The following PSG11 variants were observed in gnomAD, a reference collection of about 807,000 sequenced individuals.
PSG11 encodes the protein pregnancy specific beta-1-glycoprotein 11.
In PSG11, 42 loss-of-function variants were observed where a neutral mutation model predicts 36.0. That is an observed-to-expected ratio of 1.17 (90% CI 0.91 to 1.51). The LOEUF is 1.51. Among genes scored for constraint, PSG11 ranks in the 40% most tolerant of loss-of-function variants. PSG11 has a pLI of 0.00. For missense variants in PSG11, 558 were observed against 403.5 expected (o/e 1.38, Z -3.28); for synonymous variants, 206 against 153.5 (o/e 1.34, Z -2.53).
At chr19:43,024,472 C>A in intron 2 of PSG11, 1 of 663,858 alleles carries the variant, frequency 1.5e-6, no homozygotes, top group Non-Finnish European at 2.6e-6. Flanking sequence ...ACTGTCCTTC[C>A]TCTGCAGCGA....
rs1967260486 is a variant in PSG11, at chr19:43,026,460, T to G, written c.-88A>C. On this transcript the variant is annotated 5_prime_UTR_variant, in exon 1 of 6. Transcript: ENST00000320078. ...GCACGGCTGTCAGCTGTGCTGTCCT[T>G]CCTCCTTCTGCGCTGAGACTCTTCC... is the stretch of plus-strand genomic sequence containing the variant. The G allele has an allele frequency of 6.6e-7, 1 of 1,523,388 alleles. No individual in the cohort carries two copies. The highest frequency in any genetic ancestry group is 1.6e-5 in the African/African-American group (1 of 63,540). 94.4% of individuals were successfully genotyped at this position (1,523,388 alleles called of 1,614,324 possible). A position where few individuals can be genotyped will look rare whatever the true frequency, so the allele number is the denominator to read the frequency against.
At chr19:43,022,439 C>T (rs975611002) in intron 2 of PSG11, among the ~76,000 whole-genome samples, 5 of 151,268 alleles carry the variant, frequency 3.3e-5, no homozygotes, top group Non-Finnish European at 7.4e-5. Flanking sequence ...ATCAGCAGTA[C>T]TCATTTTTTA....
At chr19:43,026,287 T>C (rs1213700260) in intron 1 of PSG11, 22 bp downstream of exon 1, 1 of 1,609,480 alleles carries the variant, frequency 6.2e-7, no homozygotes, top group Non-Finnish European at 8.5e-7. Context: ...TCCTGTCCTC[T>C]CCCAGGAAGT....
At position 43,023,051 on chromosome 19, in the gene PSG11, G is replaced by A. The variant is rs59384746; in HGVS notation, c.430+1640C>T. 9.6e-3 allele frequency among the ~76,000 whole-genome samples: 1,456 copies of A among 151,000 alleles called. 65 individuals are homozygous for A. Among genetic ancestry groups the A allele is most frequent in the African/African-American group, 0.034 (1,410 of 40,906 alleles). ...GGCAGTGAGCAGTGAGGGAGACACT[G>A]ACTTCAGAGCCCCCAGGAACCAGCT... On this transcript the variant is annotated intron_variant, in intron 2 of 5. Coordinates refer to ENST00000320078, the MANE Select transcript of PSG11 (RefSeq NM_002785.3).
chr19:43,013,292 T>C (rs2060737709), intron 4 of PSG11, among the ~76,000 whole-genome samples: 1 of 151,232 alleles, frequency 6.6e-6, no homozygotes, highest in South Asian at 2.1e-4. Context: ...CTTTTATATA[T>C]CAAAGAACAT....
At chr19:43,012,941 A>T (rs1370793805) in intron 4 of PSG11, among the ~76,000 whole-genome samples, 1 of 151,476 alleles carries the variant, frequency 6.6e-6, no homozygotes, top group Non-Finnish European at 1.5e-5. Context: ...GGACATAGAA[A>T]TTAATGAAAT....
chr19:43,025,214 A>C, intron 1 of PSG11, 158 bp from the exon 2 acceptor site: 2 of 1,304,136 alleles, frequency 1.5e-6, no homozygotes, highest in South Asian at 1.5e-5. Flanking sequence ...GAAAAGGGGC[A>C]TGTGTGTTTG....
At chr19:43,014,838 T>C (rs1284282175) in intron 4 of PSG11, 1 of 1,318,790 alleles carries the variant, frequency 7.6e-7, no homozygotes, top group South Asian at 1.8e-5. Flanking sequence ...CTCCTTCTTG[T>C]CCCTCTGTGA....
rs372323550 is a variant in PSG11, at chr19:43,015,138, T to C, written c.942A>G (p.Thr314=). 1.7e-5 allele frequency: 28 copies of C among 1,611,880 alleles called. No homozygotes were observed. Among genetic ancestry groups the C allele is most frequent in the Non-Finnish European group, 2.4e-5 (28 of 1,178,964 alleles). The change falls in exon 4 of 6, where the codon ACA becomes ACG. Residue 314 remains threonine, a synonymous_variant. Coordinates refer to ENST00000320078, the MANE Select transcript of PSG11 (RefSeq NM_002785.3). ...TACCAATGACTCTGATTGTCAAGGA[T>C]GTGGAGCTTTCCTCGCCAGTGGCTG... ...RNSATGEESS[T]SLTIRVIAPP...
intron 2 of PSG11, among the ~76,000 whole-genome samples, chr19:43,022,388 A>G (rs1370085794): frequency 6.6e-6 from 1 of 151,104 alleles, no homozygotes; most frequent in African/African-American, 2.4e-5. Flanking sequence ...TCAAGCACAA[A>G]CAGATCATTT....
In PSG11 at chr19:43,026,394, C is replaced by T; in HGVS notation, c.-22G>A. 1 of 1,607,380 alleles carries T rather than the reference C, an allele frequency of 6.2e-7. No homozygotes were observed. ...CCATGATCTCTGCTGCGTGCATGTT[C>T]TCCTCTGTGGAGATGAGCCTAGGAT... On this transcript the variant is annotated 5_prime_UTR_variant, in exon 1 of 6. Transcript: ENST00000320078.
chr19:43,012,682 GAC>G (rs1568486147), intron 4 of PSG11, among the ~76,000 whole-genome samples: 1 of 151,484 alleles, frequency 6.6e-6, no homozygotes, highest in Non-Finnish European at 1.5e-5. Flanking sequence ...TGAATTGGAA[GAC>G]TCAATATTGT....
rs569719081 is a variant in PSG11 at position 43,022,815 on chromosome 19, AG to A, written c.430+1875del. On this transcript the variant is annotated intron_variant, in intron 2 of 5. Coordinates refer to ENST00000320078, the MANE Select transcript of PSG11 (RefSeq NM_002785.3). ...GAAGCCTGGCAGGAGTGGCAACTCC[AG>A]GTGATTTCTGCACCTTTCCTATTTC... Among the ~76,000 whole-genome samples the A allele has an allele frequency of 6.0e-5, 9 of 150,880 alleles. 1 individual carries two copies. Among genetic ancestry groups the A allele is most frequent in the Non-Finnish European group, 1.3e-4 (9 of 67,804 alleles).
chr19:43,011,985 G>T (rs1295873759), intron 4 of PSG11, among the ~76,000 whole-genome samples: 2 of 150,276 alleles, frequency 1.3e-5, no homozygotes, highest in Admixed American at 6.7e-5. Context: ...ATAAATAATT[G>T]TATGCCAATA....
chr19:43,023,497 CA>C (rs960378146), intron 2 of PSG11, among the ~76,000 whole-genome samples: 2 of 151,090 alleles, frequency 1.3e-5, no homozygotes, highest in Non-Finnish European at 2.9e-5. Flanking sequence ...GAGGCCTGGA[CA>C]TTTTTTTTGC....
At chr19:43,020,037 T>C (rs1283420302) in intron 2 of PSG11, among the ~76,000 whole-genome samples, 2 of 151,316 alleles carry the variant, frequency 1.3e-5, no homozygotes, top group East Asian at 1.9e-4. Flanking sequence ...ATGTACCTGA[T>C]ATCAGTGGAT....
At chr19:43,023,411 C>A (rs149915844) in intron 2 of PSG11, among the ~76,000 whole-genome samples, 1 of 150,728 alleles carries the variant, frequency 6.6e-6, no homozygotes, top group African/African-American at 2.5e-5. Context: ...CTCCTTGATC[C>A]TCTCATGACA....
Position 43,015,892 on chromosome 19 carries a change from C to T in PSG11, c.710-522G>A, listed in dbSNP as rs753435377. The T allele has an allele frequency of 1.9e-5, 31 of 1,609,872 alleles. No homozygotes were observed. In the African/African-American group the frequency reaches 2.0e-4, roughly 10 times the overall value. On this transcript the variant is annotated intron_variant, in intron 3 of 5. Coordinates refer to ENST00000320078, the MANE Select transcript of PSG11 (RefSeq NM_002785.3). ...AATGAGGATCCTGTTTTCAATGGGT[C>T]GCTTTACCCTGGGACTGACCGGGAG...
chr19:43,015,391 C>G (rs1450406623), intron 3 of PSG11, 21 bp from the exon 4 acceptor site: 1 of 1,601,062 alleles, frequency 6.2e-7, no homozygotes, highest in Non-Finnish European at 8.5e-7. Flanking sequence ...GAGAATAAAG[C>G]CACAGTTGAT....
Sources: allele counts gnomAD v4.1 joint callset (sites outside exome capture counted in the v4.1 genomes callset), GRCh38; gene constraint gnomAD v4.1.1; transcripts MANE v1.5; gene names NCBI Gene and HGNC (gene_info 2026-07-23, HGNC 2026-07-21).